Variants in SYNDIG1 observed in about 807,000 individuals in gnomAD.
SYNDIG1 encodes the protein synapse differentiation-inducing gene protein 1.
A neutral mutation model predicts 19.4 loss-of-function variants in SYNDIG1; 9 were observed. That is an observed-to-expected ratio of 0.46 (90% CI 0.28 to 0.81). SYNDIG1 has a LOEUF of 0.81. Ranked by LOEUF, SYNDIG1 falls within the 30% of genes least tolerant of loss-of-function variation. SYNDIG1 has a pLI of 0.12. For missense variants in SYNDIG1, 311 were observed against 343.3 expected (o/e 0.91, Z 0.74); for synonymous variants, 141 against 145.9 (o/e 0.97, Z 0.24).
At chr20:24,470,868 C>G (rs2055417842) in intron 1 of SYNDIG1, among the ~76,000 whole-genome samples, 1 of 152,002 alleles carries the variant, frequency 6.6e-6, no homozygotes. Context: ...GCTGGCGCCG[C>G]GGCGCTCCTG....
chr20:24,590,764 G>A (rs2058496774), intron 3 of SYNDIG1, among the ~76,000 whole-genome samples: 2 of 152,182 alleles, frequency 1.3e-5, no homozygotes, highest in Non-Finnish European at 2.9e-5. Context: ...GGGCTCCAGG[G>A]AGACGTCTGG....
chr20:24,652,209 A>T (rs2059480623), intron 3 of SYNDIG1, among the ~76,000 whole-genome samples: 1 of 152,222 alleles, frequency 6.6e-6, no homozygotes. Flanking sequence ...CGGGAAAGCC[A>T]GACAGAGGCG....
rs142298793 is a variant in SYNDIG1, at chr20:24,627,200, G to C, written c.619-38146G>C. ...GAGAGCGAGAGCTGCCTGGGACATT[G>C]AAAGGAGAATAAGAGAATGCTGTGA... On this transcript the variant is annotated intron_variant, in intron 3 of 3. Transcript: ENST00000376862. Among the ~76,000 whole-genome samples the C allele has an allele frequency of 2.0e-5, 3 of 151,202 alleles. No homozygotes were observed. The East Asian group carries it at 5.8e-4, about 29-fold the overall frequency.
chr20:24,531,079 G>A (rs560755644), intron 1 of SYNDIG1, among the ~76,000 whole-genome samples: 25 of 152,092 alleles, frequency 1.6e-4, no homozygotes, highest in Non-Finnish European at 1.5e-4. Flanking sequence ...CAAAGTGCTA[G>A]GATTACAGGT....
chr20:24,640,275 A>G (rs1042540687), intron 3 of SYNDIG1, among the ~76,000 whole-genome samples: 1 of 151,932 alleles, frequency 6.6e-6, no homozygotes, highest in Admixed American at 6.6e-5. Context: ...CAGAGAGCCA[A>G]GATCATGCCA....
At position 24,469,636 on chromosome 20, in the gene SYNDIG1, G is replaced by A. The variant is rs1219252260; in HGVS notation, c.-196G>A. 6.6e-6 allele frequency: 1 copy of A among 151,954 alleles called. No individual in the cohort carries two copies. The highest frequency in any genetic ancestry group is 6.6e-5 in the Admixed American group (1 of 15,208). The allele number at this position is 151,954 out of a possible 1,614,324, so 9.4% of individuals were successfully genotyped here. On this transcript the variant is annotated 5_prime_UTR_variant, in exon 1 of 4. Transcript: ENST00000376862. ...CGGCGCTGAGGGGAGGGCAGAGGAG[G>A]AGAGAGCCTGGCAGCGGAGGAGCAG...
At chr20:24,526,751 G>T (rs2057133294) in intron 1 of SYNDIG1, among the ~76,000 whole-genome samples, 1 of 152,066 alleles carries the variant, frequency 6.6e-6, no homozygotes, top group Non-Finnish European at 1.5e-5. Flanking sequence ...TCTCTAAGTA[G>T]ATTTTTTATT....
At chr20:24,574,156 C>T in intron 2 of SYNDIG1, among the ~76,000 whole-genome samples, 1 of 152,088 alleles carries the variant, frequency 6.6e-6, no homozygotes, top group East Asian at 1.9e-4. Flanking sequence ...TTTATTCAAG[C>T]TCTGCTGCAA....
At chr20:24,480,910 C>T (rs1262585284) in intron 1 of SYNDIG1, among the ~76,000 whole-genome samples, 1 of 152,150 alleles carries the variant, frequency 6.6e-6, no homozygotes, top group Non-Finnish European at 1.5e-5. Flanking sequence ...ACTTATCTGA[C>T]ATACTGAGAG....
At chr20:24,539,850 C>T (rs1439543792) in intron 1 of SYNDIG1, among the ~76,000 whole-genome samples, 1 of 152,170 alleles carries the variant, frequency 6.6e-6, no homozygotes, top group Non-Finnish European at 1.5e-5. Context: ...ACGATCTCAG[C>T]TCACTGCAAC....
chr20:24,627,230 C>T (rs980537939), intron 3 of SYNDIG1, among the ~76,000 whole-genome samples: 3 of 152,108 alleles, frequency 2.0e-5, no homozygotes, highest in African/African-American at 7.2e-5. Flanking sequence ...CTGTGAGCAA[C>T]TCTGTACCTG....
At chr20:24,515,553 CAG>C (rs1233022334) in intron 1 of SYNDIG1, among the ~76,000 whole-genome samples, 1 of 151,278 alleles carries the variant, frequency 6.6e-6, no homozygotes, top group Non-Finnish European at 1.5e-5. Context: ...AACAGACAAA[CAG>C]AGAGCCAAAT....
At position 24,567,930 on chromosome 20, in the gene SYNDIG1, T is replaced by C. The variant is rs6114776; in HGVS notation, c.481-16926T>C. Among the ~76,000 whole-genome samples, 1,078 of 152,324 alleles carry C rather than the reference T, an allele frequency of 7.1e-3. 17 individuals carry two copies. Among genetic ancestry groups the C allele is most frequent in the African/African-American group, 0.023 (971 of 41,576 alleles). On this transcript the variant is annotated intron_variant, in intron 2 of 3. Coordinates refer to ENST00000376862, the MANE Select transcript of SYNDIG1 (RefSeq NM_024893.3). Reference sequence around the variant, plus strand: ...AGGAGGATCATCTGAGGTTAGGGGTTTGAGACCAACCTGGCCAACATGGTG... The same window carrying C: ...AGGAGGATCATCTGAGGTTAGGGGTCTGAGACCAACCTGGCCAACATGGTG...
intron 3 of SYNDIG1, among the ~76,000 whole-genome samples, chr20:24,640,036 A>C (rs1325743650): frequency 6.6e-6 from 1 of 152,210 alleles, no homozygotes; most frequent in African/African-American, 2.4e-5. Flanking sequence ...TTGTTTCTTA[A>C]GAAATAAGCT....
intron 3 of SYNDIG1, among the ~76,000 whole-genome samples, chr20:24,595,450 A>G (rs1327285272): frequency 6.6e-6 from 1 of 152,006 alleles, no homozygotes; most frequent in Non-Finnish European, 1.5e-5. Context: ...TATTGGCCTG[A>G]AGTTTTCTTT....
At chr20:24,476,052 G>T (rs2146206674) in intron 1 of SYNDIG1, among the ~76,000 whole-genome samples, 1 of 151,966 alleles carries the variant, frequency 6.6e-6, no homozygotes, top group Middle Eastern at 3.4e-3. Context: ...GTAGAGTCGT[G>T]GTTTCACCCT....
At chr20:24,614,473 C>T (rs1312377217) in intron 3 of SYNDIG1, among the ~76,000 whole-genome samples, 3 of 152,162 alleles carry the variant, frequency 2.0e-5, no homozygotes, top group African/African-American at 7.2e-5. Context: ...AGAGCACTTT[C>T]CCCAAACCTC....
chr20:24,521,318 T>A (rs1260364833), intron 1 of SYNDIG1, among the ~76,000 whole-genome samples: 2 of 152,194 alleles, frequency 1.3e-5, no homozygotes, highest in Non-Finnish European at 2.9e-5. Flanking sequence ...GCTTTCAATT[T>A]TTTTTAAGAG....
chr20:24,519,596 C>T (rs2056960276), intron 1 of SYNDIG1, among the ~76,000 whole-genome samples: 1 of 151,986 alleles, frequency 6.6e-6, no homozygotes, highest in Admixed American at 6.6e-5. Context: ...TCTTTTTTAC[C>T]CTCTTCCACA....
Sources: allele counts gnomAD v4.1 joint callset (sites outside exome capture counted in the v4.1 genomes callset), GRCh38; gene constraint gnomAD v4.1.1; transcripts MANE v1.5; gene names NCBI Gene and HGNC (gene_info 2026-07-23, HGNC 2026-07-21).